WSB1: variants seen among roughly 807,000 people sequenced by gnomAD.
WSB1 encodes WD repeat and SOCS box-containing protein 1.
A neutral mutation model predicts 50.2 loss-of-function variants in WSB1; 23 were observed. The observed-to-expected ratio is 0.46, with a 90% confidence interval of 0.33 to 0.65. The LOEUF is 0.65. Ranked by LOEUF, WSB1 falls within the 30% of genes least tolerant of loss-of-function variation. The probability of loss-of-function intolerance (pLI) is 0.02; values close to 1 mark genes in which losing one functional copy is unlikely to be tolerated. For missense variants in WSB1, 492 were observed against 522.3 expected, an observed-to-expected ratio of 0.94 and a Z score of 0.56; for synonymous variants, 179 against 172.0, an observed-to-expected ratio of 1.04 and a Z score of -0.32.
intron 7 of WSB1, among the ~76,000 whole-genome samples, chr17:27,310,508 A>T (rs2017636545): frequency 6.6e-6 from 1 of 152,260 alleles, no homozygotes. Context: ...TAGTAAAACC[A>T]AAAGAATTAC....
In WSB1 at chr17:27,295,841, C is replaced by CTT. The variant is rs35532397; in HGVS notation, c.40+1417_40+1418dup. On this transcript the variant is annotated intron_variant, in intron 1 of 8. Coordinates refer to ENST00000262394, the MANE Select transcript of WSB1 (RefSeq NM_015626.10). ...CTTTGCGGTCCTGTTTTCTCTCTCT[C>CTT]TTTTTTTTTTTTGAGATGGAGTTTT... 2.4e-3 allele frequency among the ~76,000 whole-genome samples: 351 copies of CTT among 146,260 alleles called. 2 individuals are homozygous for CTT. Among genetic ancestry groups the CTT allele is most frequent in the Middle Eastern group, 0.011 (3 of 280 alleles).
At chr17:27,304,699 G>A (rs776262459) in intron 3 of WSB1, 81 bp from the exon 4 acceptor site, 45 of 1,410,436 alleles carry the variant, frequency 3.2e-5, no homozygotes, top group Non-Finnish European at 4.3e-5. Context: ...GTGACAGAGT[G>A]AGACCCTGTC....
At chr17:27,302,145 T>C (rs1196502469) in intron 2 of WSB1, 189 bp downstream of exon 2, 9 of 703,240 alleles carry the variant, frequency 1.3e-5, no homozygotes, top group Non-Finnish European at 1.9e-5. Context: ...GCGCGGCGGC[T>C]CAGGCCTATA....
chr17:27,311,112 A>T (rs1263002178), intron 7 of WSB1, among the ~76,000 whole-genome samples: 2 of 152,164 alleles, frequency 1.3e-5, no homozygotes, highest in African/African-American at 4.8e-5. Flanking sequence ...TCGGCCTCCC[A>T]AAGTGGTGGG....
intron 5 of WSB1, chr17:27,308,351 C>A: frequency 2.0e-6 from 2 of 985,360 alleles, no homozygotes. Flanking sequence ...AACTACTGAT[C>A]TTTAGAATCT....
At chr17:27,298,120 G>A (rs575021381) in intron 1 of WSB1, among the ~76,000 whole-genome samples, 8 of 114,514 alleles carry the variant, frequency 7.0e-5, no homozygotes, top group Non-Finnish European at 1.2e-4. Context: ...GCAAGCCTCC[G>A]TCTCAGAAAA....
At chr17:27,300,963 A>G (rs1040468739) in intron 1 of WSB1, among the ~76,000 whole-genome samples, 1 of 152,030 alleles carries the variant, frequency 6.6e-6, no homozygotes, top group Non-Finnish European at 1.5e-5. Context: ...GCTTACTGCA[A>G]CTTCCGCCTC....
Position 27,312,515 on chromosome 17 carries a change from G to A in WSB1, c.*146G>A, listed in dbSNP as rs9867. ...CTTGTACTGCATTTTGATCAGTTGA[G>A]CTTTTAAAATATTATTTATAGACAA... On this transcript the variant is annotated 3_prime_UTR_variant, in exon 9 of 9. Transcript: ENST00000262394. 14,526 of 1,052,892 alleles carry A rather than the reference G, an allele frequency of 0.014. 240 individuals are homozygous for A. Among genetic ancestry groups the A allele is most frequent in the African/African-American group, 0.056 (3,424 of 61,374 alleles). The allele number at this position is 1,052,892 out of a possible 1,614,324, so 65.2% of individuals were successfully genotyped here.
rs1304086594 is a variant in WSB1, at chr17:27,303,551, C to T, written c.394C>T (p.His132Tyr). Residue 132 changes from histidine (H) to tyrosine (Y), a missense_variant, in exon 3 of 9, where the codon CAT becomes TAT. By Grantham distance (83) the His-to-Tyr change is moderately conservative. Coordinates refer to ENST00000262394, the MANE Select transcript of WSB1 (RefSeq NM_015626.10). ...GAGTCGCTGTGTAAATATAGAATGG[C>T]ATCGCTTCAGATTTGGACAAGATCA... The part of the protein sequence containing the change: ...KQSRCVNIEW[H>Y]RFRFGQDQLL... 1 of 1,614,134 alleles carries T rather than the reference C, an allele frequency of 6.2e-7. No individual in the cohort carries two copies. The highest frequency in any genetic ancestry group is 8.5e-7 in the Non-Finnish European group (1 of 1,180,012).
rs2017482553 is a variant in WSB1 at position 27,306,882 on chromosome 17, A to G, written c.711A>G (p.Ala237=). ...SMLCSVGASK[A]VFLWNMDKYT... is the part of the protein sequence containing the mutation. Reference sequence around the variant, plus strand: ...TGTGTTCAGTCGGAGCCAGTAAAGCAGTACGTGTCAAAGTTCTTGTACATT... The same window carrying G: ...TGTGTTCAGTCGGAGCCAGTAAAGCGGTACGTGTCAAAGTTCTTGTACATT... Residue 237 remains alanine, a splice_region_variant and synonymous_variant, in exon 5 of 9, where the codon GCA becomes GCG. Coordinates refer to ENST00000262394, the MANE Select transcript of WSB1 (RefSeq NM_015626.10). The G allele has an allele frequency of 6.2e-6, 10 of 1,613,930 alleles. No individual in the cohort carries two copies. Among genetic ancestry groups the G allele is most frequent in the Non-Finnish European group, 8.5e-6 (10 of 1,179,948 alleles).
chr17:27,305,043 T>C (rs1477232533), intron 4 of WSB1, 132 bp downstream of exon 4: 2 of 1,117,934 alleles, frequency 1.8e-6, no homozygotes, highest in Non-Finnish European at 1.3e-6. Flanking sequence ...GCCTTAACAC[T>C]TAGGTTCCTT....
rs778108332 is a variant in WSB1, at chr17:27,310,118, A to C, written c.942A>C (p.Val314=). The change falls in exon 7 of 9, where the codon GTA becomes GTC. Residue 314 remains valine, a synonymous_variant. Transcript: ENST00000262394. Reference sequence around the variant, plus strand: ...CTGGAGGAGCAAATGACCGGTGGGTACGATCTGTATCTTTTAGCCATGATG... The same window carrying C: ...CTGGAGGAGCAAATGACCGGTGGGTCCGATCTGTATCTTTTAGCCATGATG... The part of the protein sequence containing the change: ...IFAGGANDRW[V]RSVSFSHDGL... 5 of 1,614,018 alleles carry C rather than the reference A, an allele frequency of 3.1e-6. No individual in the cohort carries two copies. The African/African-American group carries it at 6.7e-5, about 22-fold the overall frequency.
intron 5 of WSB1, chr17:27,307,908 G>C (rs1053988297): frequency 7.5e-7 from 1 of 1,339,058 alleles, no homozygotes. Flanking sequence ...AAGGTGTACT[G>C]TACGTACACA....
At chr17:27,300,342 G>A (rs1371110286) in intron 1 of WSB1, among the ~76,000 whole-genome samples, 1 of 152,114 alleles carries the variant, frequency 6.6e-6, no homozygotes, top group East Asian at 1.9e-4. Flanking sequence ...CACAAAATAG[G>A]TAATAGGGAA....
chr17:27,306,909 A>T (rs1383938994), intron 5 of WSB1, 27 bp downstream of exon 5: 4 of 1,600,564 alleles, frequency 2.5e-6, no homozygotes, highest in Non-Finnish European at 3.4e-6. Flanking sequence ...TTGTACATTC[A>T]TTATGAATTG....
At chr17:27,305,081 A>G (rs541970835) in intron 4 of WSB1, among the ~76,000 whole-genome samples, 170 bp downstream of exon 4, 1 of 152,348 alleles carries the variant, frequency 6.6e-6, no homozygotes, top group African/African-American at 2.4e-5. Flanking sequence ...AAAAACATAA[A>G]TGTGACCCAG....
At position 27,312,603 on chromosome 17, in the gene WSB1, AT is replaced by A. The variant is rs2017730581; in HGVS notation, c.*235del. 4 of 466,198 alleles carry A rather than the reference AT, an allele frequency of 8.6e-6. No homozygotes were observed. In the South Asian group the frequency reaches 1.2e-4, roughly 14 times the overall value. 28.9% of individuals were successfully genotyped at this position (466,198 alleles called of 1,614,324 possible). On this transcript the variant is annotated 3_prime_UTR_variant, in exon 9 of 9. Coordinates refer to ENST00000262394, the MANE Select transcript of WSB1 (RefSeq NM_015626.10). ...TAAAGATCTAACTGTGAAAACATACATACCTGTACATATTTAGATATAAGCT... is the reference window on the plus strand; with the variant it reads ...TAAAGATCTAACTGTGAAAACATACAACCTGTACATATTTAGATATAAGCT...
Position 27,301,797 on chromosome 17 carries a change from G to A in WSB1, c.50G>A (p.Arg17His), listed in dbSNP as rs763363841. Residue 17 changes from arginine to histidine, a missense_variant, in exon 2 of 9, where the codon CGT (arginine) becomes CAT (histidine). Coordinates refer to ENST00000262394, the MANE Select transcript of WSB1 (RefSeq NM_015626.10). ...RVNEKEIVRL[R>H]TIGELLAPAA... is the part of the protein sequence containing the mutation. ...TTATTTTTCCTTTTAGTGAGATTACGTACTATAGGTGAACTTTTAGCTCCT... is the reference window on the plus strand; with the variant it reads ...TTATTTTTCCTTTTAGTGAGATTACATACTATAGGTGAACTTTTAGCTCCT... 34 of 1,613,770 alleles carry A rather than the reference G, an allele frequency of 2.1e-5. No individual in the cohort carries two copies. Among genetic ancestry groups the A allele is most frequent in the African/African-American group, 2.7e-5 (2 of 74,894 alleles).
chr17:27,301,321 C>T (rs1332375934), intron 1 of WSB1, among the ~76,000 whole-genome samples: 1 of 152,092 alleles, frequency 6.6e-6, no homozygotes, highest in Non-Finnish European at 1.5e-5. Flanking sequence ...TAGTGCTTTC[C>T]TTTGAGTAAT....
Sources: allele counts gnomAD v4.1 joint callset (sites outside exome capture counted in the v4.1 genomes callset), GRCh38; gene constraint gnomAD v4.1.1; transcripts MANE v1.5; gene names NCBI Gene and HGNC (gene_info 2026-07-23, HGNC 2026-07-21).